Variants in ARHGAP8 observed in about 807,000 individuals in gnomAD.
ARHGAP8 encodes Rho GTPase activating protein 8.
In ARHGAP8, 62 loss-of-function variants were observed where a neutral mutation model predicts 46.1. The ratio of observed to expected loss-of-function variants is 1.34; its 90% CI spans 1.10 to 1.66. The LOEUF is 1.66. Ranked by LOEUF, ARHGAP8 falls within the 40% of genes most tolerant of loss-of-function variation. The pLI, the probability that ARHGAP8 is intolerant of heterozygous loss-of-function variation, is 0.00. For synonymous variants in ARHGAP8, 375 were observed against 243.1 expected (o/e 1.54, Z -5.05); for missense variants, 923 against 568.4 (o/e 1.62, Z -6.34).
intron 1 of ARHGAP8, among the ~76,000 whole-genome samples, chr22:44,783,664 G>A (rs1189603096): frequency 1.3e-5 from 2 of 152,174 alleles, no homozygotes; most frequent in African/African-American, 4.8e-5. Context: ...AGTGGCTGCC[G>A]CAGCAGGTCC....
intron 7 of ARHGAP8, among the ~76,000 whole-genome samples, chr22:44,829,076 C>T (rs1455410293): frequency 7.2e-6 from 1 of 139,580 alleles, no homozygotes; most frequent in African/African-American, 2.7e-5. Flanking sequence ...AGTTCAAGAC[C>T]AGCCTGGCCG....
chr22:44,758,459 T>TG (rs1318464729), intron 1 of ARHGAP8, among the ~76,000 whole-genome samples: 1 of 152,062 alleles, frequency 6.6e-6, no homozygotes, highest in African/African-American at 2.4e-5. Context: ...GCTGGGTGTA[T>TG]GGGGGCTCCG....
At chr22:44,813,685 A>G (rs528099869) in intron 4 of ARHGAP8, among the ~76,000 whole-genome samples, 28 of 151,612 alleles carry the variant, frequency 1.8e-4, no homozygotes, top group East Asian at 5.8e-4. Flanking sequence ...ACCCCTAGGT[A>G]TACCTACACA....
chr22:44,806,736 C>G (rs562585206), intron 3 of ARHGAP8, among the ~76,000 whole-genome samples: 8 of 151,886 alleles, frequency 5.3e-5, no homozygotes, highest in Non-Finnish European at 1.0e-4. Context: ...GGGTGGATCA[C>G]GAGGTCAGAA....
rs186835159 is a variant in ARHGAP8 at position 44,804,456 on chromosome 22, T to A, written c.167+2292T>A. ...AAGTTAGGTTCTGAGGGCCTTGGAA[T>A]TTGCTCCCCGACAATGAACTGATTG... On this transcript the variant is annotated intron_variant, in intron 3 of 11. Coordinates refer to ENST00000356099, the MANE Select transcript of ARHGAP8 (RefSeq NM_181335.3). 8.2e-4 allele frequency among the ~76,000 whole-genome samples: 125 copies of A among 152,224 alleles called. 2 individuals carry two copies. Among genetic ancestry groups the A allele is most frequent in the Admixed American group, 6.3e-3 (97 of 15,290 alleles).
At chr22:44,825,380 A>G (rs1930434642) in intron 6 of ARHGAP8, 103 bp from the exon 7 acceptor site, 1 of 1,250,408 alleles carries the variant, frequency 8.0e-7, no homozygotes, top group African/African-American at 1.5e-5. Context: ...GAGGGATGAG[A>G]TGCCCAGGTG....
intron 7 of ARHGAP8, among the ~76,000 whole-genome samples, chr22:44,842,723 C>A (rs1488305216): frequency 1.3e-5 from 2 of 152,060 alleles, no homozygotes; most frequent in Non-Finnish European, 2.9e-5. Context: ...CCAGGGGTGA[C>A]ATAGACCCTC....
intron 7 of ARHGAP8, among the ~76,000 whole-genome samples, chr22:44,844,168 C>A (rs2069898658): frequency 6.6e-6 from 1 of 152,112 alleles, no homozygotes; most frequent in Admixed American, 6.5e-5. Flanking sequence ...GACGGGGTTT[C>A]ACCATGTTGG....
intron 2 of ARHGAP8, among the ~76,000 whole-genome samples, chr22:44,789,234 C>G (rs1327510263): frequency 6.6e-6 from 1 of 152,070 alleles, no homozygotes; most frequent in Non-Finnish European, 1.5e-5. Context: ...ACTGCAACCT[C>G]CAGCTCCCTG....
At chr22:44,764,318 A>G (rs1925382794) in intron 1 of ARHGAP8, among the ~76,000 whole-genome samples, 2 of 152,156 alleles carry the variant, frequency 1.3e-5, no homozygotes, top group African/African-American at 2.4e-5. Flanking sequence ...GTGGCATGAG[A>G]TCTAAATAAT....
intron 4 of ARHGAP8, among the ~76,000 whole-genome samples, chr22:44,812,747 C>T (rs1929427718): frequency 6.6e-6 from 1 of 152,120 alleles, no homozygotes; most frequent in African/African-American, 2.4e-5. Flanking sequence ...ATACTTTTCA[C>T]TTTCATTGCT....
chr22:44,821,169 T>C (rs149809731), intron 5 of ARHGAP8, among the ~76,000 whole-genome samples: 8,355 of 152,200 alleles, frequency 0.055, 628 homozygotes, highest in African/African-American at 0.15. Flanking sequence ...CGGTGGCTCA[T>C]GCCTGTAATC....
At chr22:44,825,670 A>G (rs1258043337) in intron 7 of ARHGAP8, 77 bp downstream of exon 7, 8 of 1,485,622 alleles carry the variant, frequency 5.4e-6, no homozygotes, top group Non-Finnish European at 7.2e-6. Flanking sequence ...GTCCAGAAAT[A>G]TTTTCCCCAG....
At chr22:44,788,376 C>T (rs1408475649) in intron 2 of ARHGAP8, among the ~76,000 whole-genome samples, 1 of 151,944 alleles carries the variant, frequency 6.6e-6, no homozygotes, top group African/African-American at 2.4e-5. Flanking sequence ...GCCTTGGCCT[C>T]CCAAAGTGCT....
intron 11 of ARHGAP8, among the ~76,000 whole-genome samples, chr22:44,860,459 ACCTTTCCCTCCT>A (rs1319951878): frequency 2.7e-5 from 4 of 150,914 alleles, no homozygotes; most frequent in African/African-American, 9.8e-5. Context: ...ATCTCCCTCC[ACCTTTCCCTCCT>A]AAGTGTGGAC....
intron 1 of ARHGAP8, among the ~76,000 whole-genome samples, chr22:44,783,678 C>T (rs947040393): frequency 2.0e-5 from 3 of 152,234 alleles, no homozygotes; most frequent in South Asian, 2.1e-4. Flanking sequence ...CAGGTCCCCA[C>T]CCCGTCAGCG....
intron 2 of ARHGAP8, among the ~76,000 whole-genome samples, chr22:44,790,536 T>A (rs1019809552): frequency 2.6e-5 from 4 of 151,434 alleles, no homozygotes; most frequent in Admixed American, 1.3e-4. Flanking sequence ...ATTAGCCAGG[T>A]GTGGTGGCAC....
chr22:44,849,317 C>T, intron 10 of ARHGAP8: 1 of 541,950 alleles, frequency 1.8e-6, no homozygotes, highest in Non-Finnish European at 3.1e-6. Flanking sequence ...CACAGCTGGG[C>T]CAGGAGGCAG....
intron 2 of ARHGAP8, among the ~76,000 whole-genome samples, chr22:44,790,551 C>G (rs914594472): frequency 6.6e-6 from 1 of 151,492 alleles, no homozygotes. Flanking sequence ...TGGCACATAT[C>G]TGTAATCCCA....
Sources: gnomAD v4.1 joint callset for allele counts (sites outside exome capture counted in the v4.1 genomes callset) on GRCh38, gnomAD v4.1.1 for gene constraint, MANE v1.5 for transcripts, NCBI Gene and HGNC (gene_info 2026-07-23, HGNC 2026-07-21) for gene names.